ZNF276: variants seen among roughly 807,000 people sequenced by gnomAD.
ZNF276 encodes zinc finger protein 276.
In ZNF276, 59 loss-of-function variants were observed where a neutral mutation model predicts 63.9. The observed-to-expected ratio is 0.92, with a 90% CI of 0.75 to 1.15. The LOEUF (loss-of-function observed/expected upper bound fraction) is 1.15. Among genes scored for constraint, ZNF276 ranks in the 50% most tolerant of loss-of-function variants. ZNF276 has a pLI of 0.00. For missense variants in ZNF276, 1,084 were observed against 843.8 expected (o/e 1.28, Z -3.53); for synonymous variants, 496 against 348.4 (o/e 1.42, Z -4.72).
At position 89,724,977 on chromosome 16, in the gene ZNF276, G is replaced by C. The variant is rs562090171; in HGVS notation, c.1006+1268G>C. On this transcript the variant is annotated intron_variant, in intron 4 of 10. Coordinates refer to ENST00000443381, the MANE Select transcript of ZNF276 (RefSeq NM_001113525.2). ...TTATTTATTTTTGAGACAGAGTCTC[G>C]TTTTGTAGCCCAGGCTGGAGTGCGG... 9.2e-5 allele frequency among the ~76,000 whole-genome samples: 14 copies of C among 152,276 alleles called. No individual in the cohort carries two copies. The South Asian group carries it at 1.5e-3, about 16-fold the overall frequency.
intron 6 of ZNF276, among the ~76,000 whole-genome samples, chr16:89,730,461 G>A (rs536344145): frequency 1.3e-5 from 2 of 152,272 alleles, no homozygotes; most frequent in East Asian, 1.9e-4. Context: ...GGAGCCAGGC[G>A]AGCCTTTTCC....
At position 89,729,262 on chromosome 16, in the gene ZNF276, C is replaced by T. The variant is rs753254438; in HGVS notation, c.1113C>T (p.Asp371=). The change falls in exon 6 of 11, where the codon GAC becomes GAT. Residue 371 remains aspartate, a synonymous_variant. Transcript: ENST00000443381. ...ACGTCTTGAGTGAAGATGAAAATGA[C>T]AAGAAGCAAAATGCCCAGTCTTCGG... The part of the protein sequence containing the change: ...EGDVLSEDEN[D]KKQNAQSSDE... The T allele has an allele frequency of 1.1e-5, 17 of 1,614,126 alleles. No individual in the cohort carries two copies. The East Asian group carries it at 2.5e-4, about 23-fold the overall frequency.
At chr16:89,735,905 T>TTA (rs2061857895) in intron 9 of ZNF276, among the ~76,000 whole-genome samples, 1 of 142,754 alleles carries the variant, frequency 7.0e-6, no homozygotes. Context: ...GTTTGTTTGT[T>TTA]TTTTTGACTG....
intron 4 of ZNF276, among the ~76,000 whole-genome samples, chr16:89,725,026 A>AC (rs2061428455): frequency 6.6e-6 from 1 of 152,120 alleles, no homozygotes; most frequent in African/African-American, 2.4e-5. Flanking sequence ...GCTCACCGCT[A>AC]CCTCAGCCTC....
intron 9 of ZNF276, among the ~76,000 whole-genome samples, chr16:89,736,081 C>T (rs559399359): frequency 1.5e-4 from 23 of 151,976 alleles, no homozygotes; most frequent in South Asian, 6.2e-4. Flanking sequence ...TCAGTACAGA[C>T]GGGGTTTCAC....
Position 89,723,380 on chromosome 16 carries a change from G to A in ZNF276, c.677G>A (p.Gly226Asp). The change falls in exon 4 of 11, where the codon GGC (glycine) becomes GAC (aspartate). Residue 226 changes from glycine (G) to aspartate (D), a missense_variant. Coordinates refer to ENST00000443381, the MANE Select transcript of ZNF276 (RefSeq NM_001113525.2). ...LQRTLSSEYC[G>D]VIQVVWGCDQ... is the part of the protein sequence containing the mutation. The stretch of plus-strand genomic sequence containing the variant: ...AGGACACTGTCCTCCGAGTACTGCG[G>A]CGTCATCCAGGTCGTGTGGGGCTGC... 2 of 1,613,038 alleles carry A rather than the reference G, an allele frequency of 1.2e-6. No homozygotes were observed. The highest frequency in any genetic ancestry group is 1.7e-6 in the Non-Finnish European group (2 of 1,180,026).
In ZNF276 at chr16:89,739,428, G is replaced by A. The variant is rs572335110; in HGVS notation, c.*1182G>A. The A allele has an allele frequency of 1.3e-6, 2 of 1,553,246 alleles. No individual in the cohort carries two copies. The highest frequency in any genetic ancestry group is 1.2e-5 in the South Asian group (1 of 84,960). On this transcript the variant is annotated 3_prime_UTR_variant, in exon 11 of 11. Coordinates refer to ENST00000443381, the MANE Select transcript of ZNF276 (RefSeq NM_001113525.2). ...GCGGGACCCAGAGGTGCTGAGATGG[G>A]GGTCTGGGAAACACTGCCCAGCCCT...
rs554835158 is a variant in ZNF276 at position 89,723,315 on chromosome 16, T to C, written c.612T>C (p.His204=). The C allele has an allele frequency of 3.1e-6, 5 of 1,613,012 alleles. No homozygotes were observed. The highest frequency in any genetic ancestry group is 4.2e-6 in the Non-Finnish European group (5 of 1,180,022). The change falls in exon 4 of 11, where the codon CAT becomes CAC. Residue 204 remains histidine (H), a synonymous_variant. Transcript: ENST00000443381. ...TGCACGGCTTGGTGGGGTGGGTGCATGGACATGCGGCCAGCTGCGGGGCCC... is the reference window on the plus strand; with the variant it reads ...TGCACGGCTTGGTGGGGTGGGTGCACGGACATGCGGCCAGCTGCGGGGCCC... ...QCLHGLVGWV[H]GHAASCGALP...
upstream of ZNF276, chr16:89,721,496 C>T (rs961028105): frequency 1.8e-5 from 15 of 825,666 alleles, no homozygotes; most frequent in Non-Finnish European, 2.6e-5. Flanking sequence ...CCCTGGCCCG[C>T]CCCGCCCGCC....
rs2061764420 is a variant in ZNF276 at position 89,733,989 on chromosome 16, T to G, written c.1425T>G (p.Val475=). 1.9e-6 allele frequency: 3 copies of G among 1,614,040 alleles called. No individual in the cohort carries two copies. Among genetic ancestry groups the G allele is most frequent in the South Asian group, 1.1e-5 (1 of 91,084 alleles). Residue 475 remains valine, a synonymous_variant, in exon 9 of 11, where the codon GTT becomes GTG. Coordinates refer to ENST00000443381, the MANE Select transcript of ZNF276 (RefSeq NM_001113525.2). ...GCCCCCACCCTGGCTGCAACAAGGT[T>G]TTCATGATCGACCGCTACCTGCAGC... The part of the protein sequence containing the change: ...RPCPHPGCNK[V]FMIDRYLQRH...
At position 89,738,358 on chromosome 16, in the gene ZNF276, G is replaced by C; in HGVS notation, c.*112G>C. The stretch of plus-strand genomic sequence containing the variant: ...GGGTCGGAGGGTGCTGCCCGCCCTT[G>C]GTGCTGGAGGCGGGCTTGGTGTCCG... On this transcript the variant is annotated 3_prime_UTR_variant, in exon 11 of 11. Transcript: ENST00000443381. 1 of 1,462,638 alleles carries C rather than the reference G, an allele frequency of 6.8e-7. No individual in the cohort carries two copies. Among genetic ancestry groups the C allele is most frequent in the Non-Finnish European group, 9.1e-7 (1 of 1,098,710 alleles). The allele number at this position is 1,462,638 out of a possible 1,614,324, so 90.6% of individuals were successfully genotyped here.
chr16:89,722,063 C>G (rs2061305259), intron 1 of ZNF276, among the ~76,000 whole-genome samples: 1 of 152,150 alleles, frequency 6.6e-6, no homozygotes, highest in African/African-American at 2.4e-5. Context: ...CGGCCGCGGG[C>G]TCGGCCAGAA....
In ZNF276 at chr16:89,721,773, G is replaced by A. The variant is rs1464217126; in HGVS notation, c.133G>A (p.Ala45Thr). ...SLSGGPRVDGATARRAWGPVG... is the reference protein window; with the variant it reads ...SLSGGPRVDGTTARRAWGPVG... Reference sequence around the variant, plus strand: ...TAGCGGTGGGCCGAGGGTGGACGGGGCGACGGCGCGGCGCGCCTGGGGCCC... The same window carrying A: ...TAGCGGTGGGCCGAGGGTGGACGGGACGACGGCGCGGCGCGCCTGGGGCCC... The change falls in exon 1 of 11, where the codon GCG becomes ACG. Residue 45 changes from alanine to threonine, a missense_variant. Coordinates refer to ENST00000443381, the MANE Select transcript of ZNF276 (RefSeq NM_001113525.2). 1.2e-5 allele frequency: 15 copies of A among 1,265,670 alleles called. No homozygotes were observed. Among genetic ancestry groups the A allele is most frequent in the Middle Eastern group, 6.1e-4 (2 of 3,304 alleles). The allele number at this position is 1,265,670 out of a possible 1,614,324, so 78.4% of individuals were successfully genotyped here. A position where few individuals can be genotyped will look rare whatever the true frequency, so the allele number is the denominator to read the frequency against.
At chr16:89,733,863 C>A in intron 8 of ZNF276, 58 bp from the exon 9 acceptor site, 2 of 1,543,230 alleles carry the variant, frequency 1.3e-6, no homozygotes, top group Non-Finnish European at 1.8e-6. Context: ...CTACTGAGGG[C>A]TCGTGCCATG....
At position 89,738,705 on chromosome 16, in the gene ZNF276, G is replaced by C; in HGVS notation, c.*459G>C. On this transcript the variant is annotated 3_prime_UTR_variant, in exon 11 of 11. Transcript: ENST00000443381. Reference sequence around the variant, plus strand: ...GGGTCGCAGTCCCCACGATCAGCCAGCAGCTGTGAGAGAGGAGCAGGTCCT... The same window carrying C: ...GGGTCGCAGTCCCCACGATCAGCCACCAGCTGTGAGAGAGGAGCAGGTCCT... The C allele has an allele frequency of 6.2e-7, 1 of 1,613,878 alleles. No individual in the cohort carries two copies. The highest frequency in any genetic ancestry group is 2.2e-5 in the East Asian group (1 of 44,870).
rs2062062653 is a variant in ZNF276, at chr16:89,739,358, A to G, written c.*1112A>G. ...AAGGTAGCAGGTGATGCCAAGGGAT[A>G]CTGCTCATCTGTGGAGCAGAGGCAC... is the stretch of plus-strand genomic sequence containing the variant. On this transcript the variant is annotated 3_prime_UTR_variant, in exon 11 of 11. Coordinates refer to ENST00000443381, the MANE Select transcript of ZNF276 (RefSeq NM_001113525.2). The G allele has an allele frequency of 6.3e-7, 1 of 1,597,362 alleles. No individual in the cohort carries two copies. The highest frequency in any genetic ancestry group is 1.1e-5 in the South Asian group (1 of 90,092).
At chr16:89,729,696 G>A (rs563088593) in intron 6 of ZNF276, among the ~76,000 whole-genome samples, 104 of 152,140 alleles carry the variant, frequency 6.8e-4, no homozygotes, top group African/African-American at 8.7e-4. Context: ...CCCCCAACCC[G>A]TCGCTTCTGC....
intron 5 of ZNF276, 41 bp from the exon 6 acceptor site, chr16:89,729,194 C>T: frequency 6.3e-7 from 1 of 1,586,320 alleles, no homozygotes; most frequent in Non-Finnish European, 8.7e-7. Context: ...TGTCACTGCC[C>T]AGGCCCAGGG....
intron 4 of ZNF276, among the ~76,000 whole-genome samples, chr16:89,724,426 C>T (rs1265923130): frequency 6.6e-6 from 1 of 152,164 alleles, no homozygotes; most frequent in Non-Finnish European, 1.5e-5. Context: ...GTGGGTGGAT[C>T]ACTTGAGGTC....
Sources: allele counts gnomAD v4.1 joint callset (sites outside exome capture counted in the v4.1 genomes callset), GRCh38; gene constraint gnomAD v4.1.1; transcripts MANE v1.5; gene names NCBI Gene and HGNC (gene_info 2026-07-23, HGNC 2026-07-21).